RALGPS2: variants seen among roughly 807,000 people sequenced by gnomAD.
RALGPS2 encodes the protein Ral GEF with PH domain and SH3 binding motif 2, also known as ras-specific guanine nucleotide-releasing factor RalGPS2.
Under a neutral mutation model 86.8 loss-of-function variants are expected in RALGPS2, and 43 were observed. The ratio of observed to expected loss-of-function variants is 0.50; its 90% CI spans 0.39 to 0.64. The LOEUF (loss-of-function observed/expected upper bound fraction) is 0.64, where lower values mean the gene tolerates loss of function less well. RALGPS2 is among the 30% of genes least tolerant of loss of function. RALGPS2 has a pLI of 0.00. For missense variants in RALGPS2, 536 were observed against 694.6 expected (o/e 0.77, Z 2.57); for synonymous variants, 243 against 231.3 (o/e 1.05, Z -0.46).
intron 10 of RALGPS2, chr1:178,879,807 A>G (rs1235080339): frequency 2.6e-5 from 4 of 151,958 alleles, no homozygotes; most frequent in African/African-American, 9.7e-5. Context: ...AAAAAAAAAA[A>G]AAGATTGTTT....
intron 7 of RALGPS2, among the ~76,000 whole-genome samples, chr1:178,828,637 A>G (rs1009940798): frequency 1.3e-5 from 2 of 152,226 alleles, no homozygotes; most frequent in African/African-American, 2.4e-5. Flanking sequence ...CTCAAAAGAA[A>G]ACATACACAA....
At chr1:178,731,271 G>GTTT (rs1491268143) in intron 1 of RALGPS2, among the ~76,000 whole-genome samples, 9 of 69,374 alleles carry the variant, frequency 1.3e-4, no homozygotes, top group Admixed American at 3.5e-4. Context: ...TAGTTGTTTT[G>GTTT]GTTTTTTTTT....
At chr1:178,785,464 A>C in intron 3 of RALGPS2, 93 bp from the exon 4 acceptor site, 1 of 1,299,778 alleles carries the variant, frequency 7.7e-7, no homozygotes, top group Non-Finnish European at 1.0e-6. Context: ...AGTATTTGGT[A>C]ATATTTTAGT....
intron 19 of RALGPS2, among the ~76,000 whole-genome samples, chr1:178,909,448 T>C (rs1037120717): frequency 6.6e-6 from 1 of 152,120 alleles, no homozygotes; most frequent in Non-Finnish European, 1.5e-5. Context: ...AATTTTCTAA[T>C]GGTTTTTTCT....
At chr1:178,759,630 A>G (rs995528609) in intron 1 of RALGPS2, among the ~76,000 whole-genome samples, 2 of 146,632 alleles carry the variant, frequency 1.4e-5, no homozygotes, top group Non-Finnish European at 3.0e-5. Flanking sequence ...GAAGAATATT[A>G]TTGGTATGTT....
intron 7 of RALGPS2, among the ~76,000 whole-genome samples, chr1:178,829,347 G>A (rs1655904762): frequency 6.6e-6 from 1 of 152,214 alleles, no homozygotes; most frequent in Non-Finnish European, 1.5e-5. Context: ...TGGCCTGTTA[G>A]GAACCAGGCC....
chr1:178,755,096 G>A (rs1033576224), intron 1 of RALGPS2, among the ~76,000 whole-genome samples: 4 of 152,034 alleles, frequency 2.6e-5, no homozygotes, highest in Admixed American at 1.3e-4. Context: ...CAAAGTGCCC[G>A]GCCAGTTCAC....
At chr1:178,751,629 T>C (rs921672521) in intron 1 of RALGPS2, among the ~76,000 whole-genome samples, 5 of 152,198 alleles carry the variant, frequency 3.3e-5, no homozygotes, top group African/African-American at 1.2e-4. Flanking sequence ...TCAATCTCTG[T>C]AACACCTCAA....
intron 8 of RALGPS2, among the ~76,000 whole-genome samples, chr1:178,844,858 A>T (rs1349029173): frequency 2.0e-5 from 3 of 152,172 alleles, no homozygotes; most frequent in African/African-American, 7.2e-5. Flanking sequence ...TACTTTATGT[A>T]CTACAAAGAT....
At chr1:178,737,401 A>T (rs1208506052) in intron 1 of RALGPS2, among the ~76,000 whole-genome samples, 1 of 152,068 alleles carries the variant, frequency 6.6e-6, no homozygotes, top group African/African-American at 2.4e-5. Context: ...GCCTGCCACC[A>T]CGCCTGGCTA....
At chr1:178,749,442 T>C (rs551735011) in intron 1 of RALGPS2, among the ~76,000 whole-genome samples, 99 of 152,326 alleles carry the variant, frequency 6.5e-4, no homozygotes, top group Admixed American at 1.2e-3. Context: ...GCCTGGTTTT[T>C]CAGCAGTTTA....
At chr1:178,890,256 T>C (rs564834630) in intron 14 of RALGPS2, among the ~76,000 whole-genome samples, 1 of 152,102 alleles carries the variant, frequency 6.6e-6, no homozygotes, top group Admixed American at 6.6e-5. Flanking sequence ...CATCTGCCTG[T>C]AGCAAATATC....
At chr1:178,897,423 A>G (rs1262521675) in intron 16 of RALGPS2, among the ~76,000 whole-genome samples, 1 of 152,058 alleles carries the variant, frequency 6.6e-6, no homozygotes, top group Non-Finnish European at 1.5e-5. Context: ...CTTTAGATAG[A>G]ATCGGGGTTA....
At chr1:178,905,458 C>T (rs905672904) in intron 18 of RALGPS2, among the ~76,000 whole-genome samples, 9 of 151,922 alleles carry the variant, frequency 5.9e-5, no homozygotes, top group Non-Finnish European at 1.2e-4. Flanking sequence ...TTCACATTGA[C>T]CTAATGTCTG....
intron 8 of RALGPS2, among the ~76,000 whole-genome samples, chr1:178,851,958 A>C (rs1657201738): frequency 6.6e-6 from 1 of 152,142 alleles, no homozygotes. Flanking sequence ...AAGCATATGA[A>C]AACTAAATTT....
intron 4 of RALGPS2, among the ~76,000 whole-genome samples, chr1:178,791,423 G>C (rs1305562796): frequency 6.6e-6 from 1 of 151,962 alleles, no homozygotes; most frequent in African/African-American, 2.4e-5. Flanking sequence ...AGCACACCAG[G>C]CTGAAAACTA....
intron 13 of RALGPS2, among the ~76,000 whole-genome samples, chr1:178,887,745 A>G (rs928918605): frequency 6.6e-6 from 1 of 152,340 alleles, no homozygotes; most frequent in Middle Eastern, 3.4e-3. Context: ...ATATAAAAAT[A>G]CAAGTGATTA....
chr1:178,834,265 G>T lies in RALGPS2; in HGVS notation c.607+715G>T, dbSNP rs573741153. ...AGCATACATTAAAATGAATTGATTT[G>T]ATCCTATGTAGAGAGTAATCAAATG... On this transcript the variant is annotated intron_variant, in intron 8 of 19. Transcript: ENST00000367635. 2.0e-5 allele frequency among the ~76,000 whole-genome samples: 3 copies of T among 152,208 alleles called. No individual in the cohort carries two copies. The South Asian group carries it at 6.2e-4, about 32-fold the overall frequency.
intron 1 of RALGPS2, among the ~76,000 whole-genome samples, chr1:178,770,764 A>G (rs371347436): frequency 1.3e-5 from 2 of 150,862 alleles, no homozygotes; most frequent in African/African-American, 4.9e-5. Context: ...GGCGTGAGGC[A>G]CCGCGCCTGG....
Sources: allele counts gnomAD v4.1 joint callset (sites outside exome capture counted in the v4.1 genomes callset), GRCh38; gene constraint gnomAD v4.1.1; transcripts MANE v1.5; gene names NCBI Gene and HGNC (gene_info 2026-07-23, HGNC 2026-07-21).